Variants in LPAR6 observed in about 807,000 individuals in gnomAD.
LPAR6 encodes the protein lysophosphatidic acid receptor 6, also known as G-protein coupled purinergic receptor P2Y5.
A neutral mutation model predicts 22.0 loss-of-function variants in LPAR6; 17 were observed. That is an observed-to-expected ratio of 0.77 (90% CI 0.53 to 1.16). The LOEUF (loss-of-function observed/expected upper bound fraction) is 1.16, where lower values mean the gene tolerates loss of function less well. Ranked by LOEUF, LPAR6 falls within the 50% of genes most tolerant of loss-of-function variation. LPAR6 has a pLI of 0.00. For missense variants in LPAR6, 384 were observed against 406.9 expected (o/e 0.94, Z 0.48); for synonymous variants, 136 against 139.8 (o/e 0.97, Z 0.19).
chr13:48,417,606 C>A (rs990927430), upstream of LPAR6, among the ~76,000 whole-genome samples: 1 of 152,064 alleles, frequency 6.6e-6, no homozygotes, highest in Non-Finnish European at 1.5e-5. Context: ...GGACCATGTT[C>A]TAACCCAATG....
chr13:48,406,098 C>CTG (rs149013062), downstream of LPAR6, among the ~76,000 whole-genome samples: 125,112 of 150,082 alleles, frequency 0.83, 55,768 homozygotes, highest in East Asian at 0.99. Flanking sequence ...ATAAATAACT[C>CTG]TGTGTGTGTG....
At chr13:48,436,696 T>A (rs1379203283) in intron 1 of LPAR6, among the ~76,000 whole-genome samples, 1 of 151,858 alleles carries the variant, frequency 6.6e-6, no homozygotes, top group African/African-American at 2.4e-5. Context: ...GGCAAGCAGA[T>A]CTGCAGAAAT....
At chr13:48,391,228 T>C (rs1948608098) in intron 1 of LPAR6, among the ~76,000 whole-genome samples, 1 of 152,200 alleles carries the variant, frequency 6.6e-6, no homozygotes. Flanking sequence ...CTTAGAATAG[T>C]ATATTTCCAT....
At chr13:48,423,484 T>C (rs1949036746) in intron 1 of LPAR6, among the ~76,000 whole-genome samples, 1 of 152,336 alleles carries the variant, frequency 6.6e-6, no homozygotes, top group East Asian at 1.9e-4. Flanking sequence ...TTAAATATTC[T>C]GTAAAAGGCT....
intron 1 of LPAR6, among the ~76,000 whole-genome samples, chr13:48,432,047 T>G (rs1216284893): frequency 2.0e-5 from 3 of 152,176 alleles, no homozygotes; most frequent in African/African-American, 7.2e-5. Context: ...CAACTGGTCA[T>G]ATGGTGATAA....
In LPAR6 at chr13:48,433,621, A is replaced by G. The variant is rs8002958; in HGVS notation, c.-1473-9502T>C. On this transcript the variant is annotated intron_variant, in intron 1 of 6. Coordinates refer to the LPAR6 transcript ENST00000378434. Reference sequence around the variant, plus strand: ...TTACACCAAATATTATGACAAAAGCATAATTGTTTCTTGATAAAACTGTTC... The same window carrying G: ...TTACACCAAATATTATGACAAAAGCGTAATTGTTTCTTGATAAAACTGTTC... 6.3e-3 allele frequency among the ~76,000 whole-genome samples: 953 copies of G among 152,214 alleles called. 8 individuals are homozygous for G. The highest frequency in any genetic ancestry group is 0.022 in the African/African-American group (907 of 41,548).
intron 1 of LPAR6, among the ~76,000 whole-genome samples, chr13:48,395,787 A>G (rs1948643346): frequency 6.6e-6 from 1 of 152,192 alleles, no homozygotes; most frequent in Non-Finnish European, 1.5e-5. Context: ...GGGAGAGTGG[A>G]ACCAAGTTAG....
intron 1 of LPAR6, among the ~76,000 whole-genome samples, chr13:48,426,169 G>A (rs1047608728): frequency 6.6e-6 from 1 of 152,154 alleles, no homozygotes. Flanking sequence ...TTGACCTTAT[G>A]AAGAGTTTTC....
intron 1 of LPAR6, among the ~76,000 whole-genome samples, chr13:48,395,531 A>C (rs184834755): frequency 6.5e-4 from 99 of 152,302 alleles, no homozygotes; most frequent in African/African-American, 2.4e-3. Context: ...AGAGAAGAAC[A>C]TAAATGACCT....
At chr13:48,437,447 C>T (rs1451388002) in intron 1 of LPAR6, among the ~76,000 whole-genome samples, 1 of 152,182 alleles carries the variant, frequency 6.6e-6, no homozygotes, top group Non-Finnish European at 1.5e-5. Flanking sequence ...CACACAAATT[C>T]TGAAAGTCGG....
At chr13:48,418,982 G>A (rs1299935672) in intron 2 of LPAR6, among the ~76,000 whole-genome samples, 1 of 152,068 alleles carries the variant, frequency 6.6e-6, no homozygotes, top group East Asian at 1.9e-4. Context: ...AGATCAATGA[G>A]ACAGAAAATT....
chr13:48,444,350 C>G (rs1408505287), intron 1 of LPAR6, among the ~76,000 whole-genome samples: 1 of 152,114 alleles, frequency 6.6e-6, no homozygotes, highest in Non-Finnish European at 1.5e-5. Flanking sequence ...AACCCCGTCT[C>G]TACTAAAAAT....
chr13:48,430,035 A>G (rs1292318109), upstream of LPAR6, among the ~76,000 whole-genome samples: 1 of 152,214 alleles, frequency 6.6e-6, no homozygotes, highest in Non-Finnish European at 1.5e-5. Flanking sequence ...GTTCACCTGT[A>G]GATACTGTGG....
intron 1 of LPAR6, among the ~76,000 whole-genome samples, chr13:48,433,844 A>T (rs999140903): frequency 1.3e-5 from 2 of 151,988 alleles, no homozygotes; most frequent in African/African-American, 4.8e-5. Context: ...AGCATATCTT[A>T]CAACTTTTGT....
chr13:48,422,593 T>C (rs1949022959), intron 2 of LPAR6: 1 of 152,070 alleles, frequency 6.6e-6, no homozygotes, highest in African/African-American at 2.4e-5. Context: ...TGAAATATAG[T>C]GTATCAGCTT....
upstream of LPAR6, among the ~76,000 whole-genome samples, chr13:48,430,761 CAAACAAAAA>C (rs1194851700): frequency 9.4e-5 from 3 of 32,026 alleles, no homozygotes; most frequent in East Asian, 8.6e-4. Context: ...AACAAACAAA[CAAACAAAAA>C]AAAAAAACAG....
intron 1 of LPAR6, chr13:48,426,812 G>C (rs1482541208): frequency 6.6e-6 from 1 of 152,218 alleles, no homozygotes; most frequent in Non-Finnish European, 1.5e-5. Context: ...AGAAATACCT[G>C]AGACTGGGTA....
chr13:48,435,272 A>T (rs924511837), intron 1 of LPAR6, among the ~76,000 whole-genome samples: 2 of 152,148 alleles, frequency 1.3e-5, no homozygotes, highest in Non-Finnish European at 2.9e-5. Flanking sequence ...TAGTGTAAGG[A>T]TATCTCAGTG....
intron 1 of LPAR6, among the ~76,000 whole-genome samples, chr13:48,396,519 C>G (rs1052937594): frequency 6.6e-6 from 1 of 152,044 alleles, no homozygotes; most frequent in African/African-American, 2.4e-5. Context: ...AAGACTTAAA[C>G]ATAACACCTA....
Sources: allele counts gnomAD v4.1 joint callset (sites outside exome capture counted in the v4.1 genomes callset), GRCh38; gene constraint gnomAD v4.1.1; transcripts MANE v1.5; gene names NCBI Gene and HGNC (gene_info 2026-07-23, HGNC 2026-07-21).